The following DDX10 variants were observed in gnomAD, a reference collection of about 807,000 sequenced individuals.
DDX10 encodes probable ATP-dependent RNA helicase DDX10.
A neutral mutation model predicts 104.3 loss-of-function variants in DDX10; 74 were observed. The ratio of observed to expected loss-of-function variants is 0.71; its 90% CI spans 0.59 to 0.86. DDX10 has a LOEUF of 0.86. DDX10 is among the 40% of genes least tolerant of loss of function. DDX10 has a pLI of 0.00. For synonymous variants in DDX10, 351 were observed against 353.4 expected (o/e 0.99, Z 0.08); for missense variants, 952 against 1,040.0 (o/e 0.92, Z 1.16).
chr11:108,829,711 T>C (rs1421391395), intron 13 of DDX10, among the ~76,000 whole-genome samples: 1 of 152,240 alleles, frequency 6.6e-6, no homozygotes, highest in Non-Finnish European at 1.5e-5. Flanking sequence ...ATCTTTATGG[T>C]TTCAGATCGT....
In DDX10 at chr11:108,808,727, G is replaced by A. The variant is rs998490310; in HGVS notation, c.1966-29719G>A. Among the ~76,000 whole-genome samples, 3 of 152,030 alleles carry A rather than the reference G, an allele frequency of 2.0e-5. No individual in the cohort carries two copies. The South Asian group carries it at 6.2e-4, about 32-fold the overall frequency. ...CAGCCATCCTGTCAGCCATGCTCATGTCTCTCAGCAGCAAAGGATTTGAGG... is the reference window on the plus strand; with the variant it reads ...CAGCCATCCTGTCAGCCATGCTCATATCTCTCAGCAGCAAAGGATTTGAGG... On this transcript the variant is annotated intron_variant, in intron 13 of 17. Coordinates refer to ENST00000322536, the MANE Select transcript of DDX10 (RefSeq NM_004398.4).
At chr11:108,677,738 CTG>C (rs1315990121) in intron 4 of DDX10, among the ~76,000 whole-genome samples, 2 of 149,300 alleles carry the variant, frequency 1.3e-5, no homozygotes, top group African/African-American at 2.5e-5. Flanking sequence ...CTCCACTAGA[CTG>C]TGAGGATAAA....
chr11:108,678,484 G>A (rs755480335), intron 5 of DDX10, 49 bp downstream of exon 5: 1 of 1,473,740 alleles, frequency 6.8e-7, no homozygotes, highest in Non-Finnish European at 9.1e-7. Flanking sequence ...CTCAGACTTA[G>A]GAGAGAGCCC....
chr11:108,786,166 A>G (rs1478670086), intron 13 of DDX10, among the ~76,000 whole-genome samples: 1 of 151,776 alleles, frequency 6.6e-6, no homozygotes, highest in Admixed American at 6.6e-5. Flanking sequence ...TTTTTGAGAA[A>G]TCTTCTTTAT....
At chr11:108,784,320 C>CT (rs1184711624) in intron 13 of DDX10, among the ~76,000 whole-genome samples, 19 of 151,982 alleles carry the variant, frequency 1.3e-4, no homozygotes, top group African/African-American at 3.4e-4. Context: ...ATTTTTTTGA[C>CT]TTTTTTAGTA....
intron 13 of DDX10, among the ~76,000 whole-genome samples, chr11:108,786,743 A>G (rs769901567): frequency 6.6e-6 from 1 of 152,196 alleles, no homozygotes; most frequent in Non-Finnish European, 1.5e-5. Context: ...GTGTCATTAC[A>G]TGTGAGATCC....
chr11:108,755,985 C>T lies in DDX10; in HGVS notation c.1965+32523C>T, dbSNP rs73007456. ...CTCCCCCTTCCCTCTTTCCCTCTTT[C>T]CCTCTTTCCCTCTTTTTCTCTTTTT... On this transcript the variant is annotated intron_variant, in intron 13 of 17. Coordinates refer to ENST00000322536, the MANE Select transcript of DDX10 (RefSeq NM_004398.4). 2.7e-3 allele frequency among the ~76,000 whole-genome samples: 416 copies of T among 151,922 alleles called. 2 individuals carry two copies. The highest frequency in any genetic ancestry group is 4.9e-3 in the Non-Finnish European group (333 of 67,882).
At chr11:108,806,842 T>C (rs954306379) in intron 13 of DDX10, among the ~76,000 whole-genome samples, 1 of 152,126 alleles carries the variant, frequency 6.6e-6, no homozygotes, top group Non-Finnish European at 1.5e-5. Flanking sequence ...GATCTAGCAA[T>C]AGAAGGCCGA....
intron 16 of DDX10, among the ~76,000 whole-genome samples, chr11:108,879,963 TA>T (rs1863205344): frequency 6.6e-6 from 1 of 152,204 alleles, no homozygotes; most frequent in Non-Finnish European, 1.5e-5. Flanking sequence ...TGCTAGTAAC[TA>T]AAGGCAATTT....
chr11:108,672,899 C>G lies in DDX10; in HGVS notation c.187-568C>G, dbSNP rs184031717. Among the ~76,000 whole-genome samples the G allele has an allele frequency of 1.1e-3, 172 of 152,312 alleles. 2 individuals carry two copies. Among genetic ancestry groups the G allele is most frequent in the African/African-American group, 4.0e-3 (167 of 41,564 alleles). ...CTTCAAAGCATGACAGACATTTCCC[C>G]TGTGTTGAAATAATACTCCTCCTTC... On this transcript the variant is annotated intron_variant, in intron 1 of 17. Coordinates refer to ENST00000322536, the MANE Select transcript of DDX10 (RefSeq NM_004398.4).
chr11:108,682,257 A>G (rs1482145691), intron 6 of DDX10, among the ~76,000 whole-genome samples: 2 of 152,026 alleles, frequency 1.3e-5, no homozygotes, highest in Non-Finnish European at 2.9e-5. Context: ...GGTGCCCACC[A>G]CCATGCCCAC....
At chr11:108,915,429 C>G (rs1264798824) in intron 16 of DDX10, among the ~76,000 whole-genome samples, 1 of 137,686 alleles carries the variant, frequency 7.3e-6, no homozygotes, top group Non-Finnish European at 1.5e-5. Flanking sequence ...ACTAAAAAGG[C>G]TTGTTTTTTT....
chr11:108,911,812 C>T lies in DDX10; in HGVS notation c.2305-6061C>T, dbSNP rs553970193. ...TCTGAGCTCAAGCAGTCCATCTGCC[C>T]TGGCCTCCAAAAAAGCTTTGCCTCT... On this transcript the variant is annotated intron_variant, in intron 16 of 17. Transcript: ENST00000322536. Among the ~76,000 whole-genome samples, 45 of 152,024 alleles carry T rather than the reference C, an allele frequency of 3.0e-4. No individual in the cohort carries two copies. In the South Asian group the frequency reaches 8.9e-3, roughly 30 times the overall value.
At chr11:108,700,183 C>T (rs553770352) in intron 9 of DDX10, among the ~76,000 whole-genome samples, 1 of 152,264 alleles carries the variant, frequency 6.6e-6, no homozygotes, top group African/African-American at 2.4e-5. Context: ...TCCCTACCTC[C>T]CACCCCTGTA....
chr11:108,855,467 A>G lies in DDX10; in HGVS notation c.2304+3258A>G, dbSNP rs567288297. 7.9e-5 allele frequency among the ~76,000 whole-genome samples: 12 copies of G among 152,162 alleles called. No individual in the cohort carries two copies. In the East Asian group the frequency reaches 2.1e-3, roughly 27 times the overall value. On this transcript the variant is annotated intron_variant, in intron 16 of 17. Coordinates refer to ENST00000322536, the MANE Select transcript of DDX10 (RefSeq NM_004398.4). ...AAGAAAGTGTGATTTTTATTTATTTATTTATTTTTTAAGATGGAGTCTCGC... is the reference window on the plus strand; with the variant it reads ...AAGAAAGTGTGATTTTTATTTATTTGTTTATTTTTTAAGATGGAGTCTCGC...
intron 13 of DDX10, among the ~76,000 whole-genome samples, chr11:108,800,808 A>AT (rs1440691523): frequency 1.3e-5 from 2 of 152,118 alleles, no homozygotes; most frequent in East Asian, 3.9e-4. Flanking sequence ...TTAGTTGATG[A>AT]TTTTTCACTC....
chr11:108,832,132 T>C (rs1005873896), intron 13 of DDX10, among the ~76,000 whole-genome samples: 1 of 152,126 alleles, frequency 6.6e-6, no homozygotes, highest in Non-Finnish European at 1.5e-5. Context: ...TATCTAATAA[T>C]AGATATATTT....
rs1863997580 is a variant in DDX10, at chr11:108,933,288, G to T, written c.2451-6958G>T. On this transcript the variant is annotated intron_variant, in intron 17 of 17. Coordinates refer to ENST00000322536, the MANE Select transcript of DDX10 (RefSeq NM_004398.4). ...GATGGGAAATTTGACCAGATATTAA[G>T]GGTGAGAGATTTTTGTTCAGCTGAC... is the stretch of plus-strand genomic sequence containing the variant. Among the ~76,000 whole-genome samples, 2 of 151,154 alleles carry T rather than the reference G, an allele frequency of 1.3e-5. 1 individual carries two copies. Among genetic ancestry groups the T allele is most frequent in the African/African-American group, 4.9e-5 (2 of 40,484 alleles).
At chr11:108,668,704 C>T (rs73554972) in intron 1 of DDX10, among the ~76,000 whole-genome samples, 7,837 of 151,954 alleles carry the variant, frequency 0.052, 679 homozygotes, top group African/African-American at 0.18. Context: ...CTTGTCTAGG[C>T]GGGTGTGAGT....
Sources: gnomAD v4.1 joint callset for allele counts (sites outside exome capture counted in the v4.1 genomes callset) on GRCh38, gnomAD v4.1.1 for gene constraint, MANE v1.5 for transcripts, NCBI Gene and HGNC (gene_info 2026-07-23, HGNC 2026-07-21) for gene names.